Variants in SHROOM4 observed in about 807,000 individuals in gnomAD.
SHROOM4 encodes protein Shroom4.
Under a neutral mutation model 80.3 loss-of-function variants are expected in SHROOM4, and 17 were observed. That is an observed-to-expected ratio of 0.21 (90% CI 0.14 to 0.32). SHROOM4 has a LOEUF of 0.32. Ranked by LOEUF, SHROOM4 falls within the 10% of genes least tolerant of loss-of-function variation. SHROOM4 has a pLI of 1.00. For missense variants in SHROOM4, 993 were observed against 1,140.3 expected, an observed-to-expected ratio of 0.87 and a Z score of 1.86; for synonymous variants, 400 against 437.5, an observed-to-expected ratio of 0.91 and a Z score of 1.07.
intron 2 of SHROOM4, among the ~76,000 whole-genome samples, chrX:50,651,940 C>T (rs1195226438): frequency 6.3e-5 from 7 of 111,635 alleles, no homozygotes; most frequent in African/African-American, 2.3e-4. Context: ...GCATAGTATT[C>T]CATGGTGTAT....
At chrX:50,664,049 T>C (rs868928999) in intron 2 of SHROOM4, among the ~76,000 whole-genome samples, 1 of 112,455 alleles carries the variant, frequency 8.9e-6, no homozygotes, top group African/African-American at 3.2e-5. Context: ...AAATGCCATA[T>C]TAAGAACAAC....
chrX:50,789,622 T>C (rs1935816035), intron 1 of SHROOM4, among the ~76,000 whole-genome samples: 1 of 111,166 alleles, frequency 9.0e-6, no homozygotes, highest in South Asian at 3.7e-4. Context: ...CCAAAGTTAC[T>C]TGAAGGAAAG....
intron 1 of SHROOM4, among the ~76,000 whole-genome samples, chrX:50,788,219 T>C (rs1935785332): frequency 8.9e-6 from 1 of 111,933 alleles, no homozygotes; most frequent in Admixed American, 9.5e-5. Context: ...AGTTTTTGTA[T>C]GTGATCGAAG....
At chrX:50,605,935 T>C (rs782090813) in intron 6 of SHROOM4, among the ~76,000 whole-genome samples, 1 of 112,346 alleles carries the variant, frequency 8.9e-6, no homozygotes, top group African/African-American at 3.2e-5. Flanking sequence ...TGCCTACTAT[T>C]GGGAGGTCAT....
intron 1 of SHROOM4, among the ~76,000 whole-genome samples, chrX:50,713,662 A>G (rs1328012065): frequency 1.8e-5 from 2 of 111,920 alleles, no homozygotes; most frequent in Admixed American, 9.4e-5. Context: ...AATAACCCTA[A>G]GGTTCACCCT....
At chrX:50,636,159 C>T (rs782210866) in intron 3 of SHROOM4, among the ~76,000 whole-genome samples, 8 of 110,135 alleles carry the variant, frequency 7.3e-5, no homozygotes, top group African/African-American at 1.3e-4. Context: ...TGTTGAAACA[C>T]GGGTCACTTG....
At chrX:50,729,718 A>G (rs1407632787) in intron 1 of SHROOM4, among the ~76,000 whole-genome samples, 1 of 111,731 alleles carries the variant, frequency 9.0e-6, no homozygotes, top group Non-Finnish European at 1.9e-5. Context: ...CTAAAGATAA[A>G]GAAAAAATCT....
intron 1 of SHROOM4, among the ~76,000 whole-genome samples, chrX:50,723,318 GGGGGGAGGGA>G (rs1216745951): frequency 2.7e-4 from 18 of 67,461 alleles, no homozygotes; most frequent in African/African-American, 9.2e-4. Context: ...GTGGGGGGAG[GGGGGGAGGGA>G]GGGGGAGGAG....
chrX:50,813,160 T>C (rs372441873), intron 1 of SHROOM4, among the ~76,000 whole-genome samples: 2 of 102,016 alleles, frequency 2.0e-5, no homozygotes, highest in African/African-American at 7.1e-5. Context: ...GCGGCGGCAG[T>C]GGCGGCGGCG....
chrX:50,754,972 T>G lies in SHROOM4; in HGVS notation c.117+58930A>C, dbSNP rs113174818. On this transcript the variant is annotated intron_variant, in intron 1 of 8. Transcript: ENST00000376020. ...GCAGATCATTTTAACTCTCCATTCC[T>G]TCATCTGCTGTCCTGTGAAAAGGCT... 6.1e-3 allele frequency among the ~76,000 whole-genome samples: 687 copies of G among 112,300 alleles called. 9 individuals are homozygous for G. The highest frequency in any genetic ancestry group is 0.021 in the African/African-American group (651 of 30,943).
At position 50,687,880 on chromosome X, in the gene SHROOM4, A is replaced by G. The variant is rs189261103; in HGVS notation, c.269+7906T>C. Among the ~76,000 whole-genome samples, 505 of 109,931 alleles carry G rather than the reference A, an allele frequency of 4.6e-3. 5 individuals carry two copies. Among genetic ancestry groups the G allele is most frequent in the African/African-American group, 0.016 (492 of 30,043 alleles). ...ACTATCAAGAAAACCAGTTACTCAT[A>G]GTTCCTACTTCCCTACATAAGGATG... On this transcript the variant is annotated intron_variant, in intron 2 of 8. Transcript: ENST00000376020.
chrX:50,660,089 T>C (rs1313074172), intron 2 of SHROOM4, among the ~76,000 whole-genome samples: 1 of 112,048 alleles, frequency 8.9e-6, no homozygotes, highest in Non-Finnish European at 1.9e-5. Context: ...GATTATATAT[T>C]TTATATAAAG....
At chrX:50,746,645 A>G (rs1934778521) in intron 1 of SHROOM4, among the ~76,000 whole-genome samples, 1 of 112,048 alleles carries the variant, frequency 8.9e-6, no homozygotes. Context: ...CTTCCCTTAC[A>G]GTGGAGAAGG....
At chrX:50,612,259 T>C (rs1377895880) in intron 5 of SHROOM4, among the ~76,000 whole-genome samples, 8 of 110,124 alleles carry the variant, frequency 7.3e-5, no homozygotes, top group African/African-American at 1.6e-4. Flanking sequence ...ATGAAAAGAA[T>C]AAGAGAATAC....
intron 1 of SHROOM4, among the ~76,000 whole-genome samples, chrX:50,775,867 G>C (rs782086140): frequency 8.9e-6 from 1 of 112,424 alleles, no homozygotes; most frequent in East Asian, 2.8e-4. Flanking sequence ...GGAAATTCCA[G>C]TAAGAAAAGA....
At chrX:50,785,224 T>A (rs782739479) in intron 1 of SHROOM4, among the ~76,000 whole-genome samples, 1 of 111,916 alleles carries the variant, frequency 8.9e-6, no homozygotes, top group African/African-American at 3.2e-5. Context: ...ATGATAATGA[T>A]ATACCTACCA....
Position 50,633,582 on chromosome X carries a change from GA to G in SHROOM4, c.2490del (p.His831IlefsTer36). 1 of 1,212,071 alleles carries G rather than the reference GA, an allele frequency of 8.3e-7. No individual in the cohort carries two copies. The highest frequency in any genetic ancestry group is 1.1e-6 in the Non-Finnish European group (1 of 895,623). On this transcript the variant is annotated frameshift_variant, in exon 4 of 9. Transcript: ENST00000376020. LOFTEE classifies it high-confidence loss of function. The part of the protein sequence containing the change: ...ELRRHPMDQS[Y>X]HSADQPYHAT... ...GCATGATATGGTTGGTCTGCGGAAT[GA>G]TATGATTGGTCCATGGGATGGCGCC...
chrX:50,756,277 G>A (rs1935036735), intron 1 of SHROOM4, among the ~76,000 whole-genome samples: 1 of 111,994 alleles, frequency 8.9e-6, no homozygotes, highest in African/African-American at 3.2e-5. Flanking sequence ...TTCTTCCACT[G>A]AGCATGTTTT....
rs1478930316 is a variant in SHROOM4 at position 50,607,327 on chromosome X, C to T, written c.3761+54G>A. The T allele has an allele frequency of 3.4e-6, 4 of 1,183,503 alleles. No individual in the cohort carries two copies. In the East Asian group the frequency reaches 1.2e-4, roughly 35 times the overall value. On this transcript the variant is annotated intron_variant, in intron 6 of 8. Transcript: ENST00000376020. ...GTTAGTAAATAGTGGAGGTAAAATT[C>T]AAACTTGTGCTGCCTGCCTCTTCAG...
Sources: gnomAD v4.1 joint callset for allele counts (sites outside exome capture counted in the v4.1 genomes callset) on GRCh38, gnomAD v4.1.1 for gene constraint, MANE v1.5 for transcripts, NCBI Gene and HGNC (gene_info 2026-07-23, HGNC 2026-07-21) for gene names.